RFPL1: variants seen among roughly 807,000 people sequenced by gnomAD.
The protein encoded by RFPL1 is ret finger protein like 1, also known as ret finger protein-like 1.
RFPL1 carries 6 observed loss-of-function variants against 9.6 expected under a neutral mutation model. That is an observed-to-expected ratio of 0.62 (90% confidence interval 0.34 to 1.23). The LOEUF is 1.23. Among genes scored for constraint, RFPL1 ranks in the 50% most tolerant of loss-of-function variants. RFPL1 has a pLI of 0.03. For missense variants in RFPL1, 352 were observed against 398.4 expected (o/e 0.88, Z 0.99); for synonymous variants, 145 against 149.4 (o/e 0.97, Z 0.22).
At chr22:29,439,315 C>G (rs926897900) in intron 1 of RFPL1, 151 bp downstream of exon 1, 1 of 1,164,634 alleles carries the variant, frequency 8.6e-7, no homozygotes, top group African/African-American at 1.5e-5. Flanking sequence ...GCCCTGACAA[C>G]ATACAGAATC....
the RFPL1 span, among the ~76,000 whole-genome samples, chr22:29,417,481 C>T: frequency 6.7e-6 from 1 of 149,358 alleles, no homozygotes; most frequent in Non-Finnish European, 1.5e-5. Context: ...ATGGGAGCTG[C>T]TCCACCTCAG....
chr22:29,426,617 T>C, the RFPL1 span, among the ~76,000 whole-genome samples: 3 of 152,002 alleles, frequency 2.0e-5, no homozygotes, highest in African/African-American at 2.4e-5. Flanking sequence ...CTGGGCATGA[T>C]GGGTGCCTGT....
At chr22:29,390,887 C>T in the RFPL1 span, among the ~76,000 whole-genome samples, 1 of 151,624 alleles carries the variant, frequency 6.6e-6, no homozygotes, top group Non-Finnish European at 1.5e-5. Flanking sequence ...TGTGAGCCAC[C>T]GTGCCCGGCC....
chr22:29,410,585 AT>A, the RFPL1 span, among the ~76,000 whole-genome samples: 10 of 133,666 alleles, frequency 7.5e-5, no homozygotes, highest in African/African-American at 1.1e-4. Context: ...AGATATATCT[AT>A]CTATATATAG....
the RFPL1 span, among the ~76,000 whole-genome samples, chr22:29,403,659 G>T: frequency 2.0e-5 from 3 of 152,314 alleles, no homozygotes; most frequent in Non-Finnish European, 4.4e-5. Context: ...AAATAGAGAA[G>T]TCACAGAAAA....
At chr22:29,410,613 C>CTATCTATATATAGATATATA in the RFPL1 span, among the ~76,000 whole-genome samples, 2 of 127,082 alleles carry the variant, frequency 1.6e-5, no homozygotes, top group African/African-American at 6.1e-5. Context: ...ATAGATATAT[C>CTATCTATATATAGATATATA]TATCTATATA....
At chr22:29,426,808 C>T in the RFPL1 span, among the ~76,000 whole-genome samples, 1 of 152,032 alleles carries the variant, frequency 6.6e-6, no homozygotes, top group Non-Finnish European at 1.5e-5. Flanking sequence ...CCTCCTGTTT[C>T]CTTATTTTTG....
chr22:29,425,076 C>T, the RFPL1 span, among the ~76,000 whole-genome samples: 5 of 151,408 alleles, frequency 3.3e-5, no homozygotes, highest in East Asian at 7.8e-4. Context: ...TGGTGGCAGG[C>T]GCCTGTAGTC....
At chr22:29,416,977 C>T in the RFPL1 span, among the ~76,000 whole-genome samples, 1 of 152,190 alleles carries the variant, frequency 6.6e-6, no homozygotes, top group African/African-American at 2.4e-5. Context: ...TCTCTGGAAT[C>T]ATCATATCCC....
chr22:29,424,169 T>G, the RFPL1 span, among the ~76,000 whole-genome samples: 1 of 151,654 alleles, frequency 6.6e-6, no homozygotes, highest in African/African-American at 2.4e-5. Context: ...GACAGAATCC[T>G]GCTTTGTCTC....
intron 1 of RFPL1, 171 bp from the exon 2 acceptor site, chr22:29,441,371 C>T: frequency 1.4e-6 from 1 of 711,962 alleles, no homozygotes; most frequent in East Asian, 2.7e-5. Context: ...CAAAGCATAC[C>T]TATGAGAATT....
chr22:29,423,293 G>A, the RFPL1 span: 1 of 798,112 alleles, frequency 1.3e-6, no homozygotes, highest in East Asian at 2.4e-5. Context: ...TGTGGTACAG[G>A]AAAACAGCTG....
At chr22:29,439,425 A>C (rs1569183936) in intron 1 of RFPL1, 3 of 528,884 alleles carry the variant, frequency 5.7e-6, no homozygotes, top group Non-Finnish European at 1.0e-5. Flanking sequence ...CGAGGTCAGG[A>C]GATCGGGACC....
the RFPL1 span, among the ~76,000 whole-genome samples, chr22:29,425,989 G>T: frequency 6.6e-6 from 1 of 152,078 alleles, no homozygotes; most frequent in Non-Finnish European, 1.5e-5. Flanking sequence ...TGGACTAATA[G>T]ATAGGATATC....
chr22:29,406,039 G>A, the RFPL1 span, among the ~76,000 whole-genome samples: 3 of 134,886 alleles, frequency 2.2e-5, no homozygotes, highest in Admixed American at 8.3e-5. Context: ...AACCCGGGAA[G>A]CAGAGCTTGC....
chr22:29,417,938 GTTTT>G, the RFPL1 span, among the ~76,000 whole-genome samples: 4 of 129,374 alleles, frequency 3.1e-5, no homozygotes, highest in Admixed American at 1.6e-4. Context: ...ACCTTGAATG[GTTTT>G]TTTTTTTTTT....
the RFPL1 span, among the ~76,000 whole-genome samples, chr22:29,410,587 CTATA>C: frequency 2.7e-4 from 21 of 78,750 alleles, no homozygotes; most frequent in African/African-American, 3.9e-4. Context: ...ATATATCTAT[CTATA>C]TATAGATATA....
At chr22:29,425,186 G>A in the RFPL1 span, among the ~76,000 whole-genome samples, 12 of 146,708 alleles carry the variant, frequency 8.2e-5, no homozygotes, top group South Asian at 1.5e-3. Flanking sequence ...CCTGGGCGAC[G>A]GAGCGAGACT....
chr22:29,412,103 C>G, the RFPL1 span, among the ~76,000 whole-genome samples: 58 of 152,198 alleles, frequency 3.8e-4, no homozygotes, highest in Middle Eastern at 6.8e-3. Context: ...GCAATGACAC[C>G]AGCAGAAATT....
Sources: gnomAD v4.1 joint callset for allele counts (sites outside exome capture counted in the v4.1 genomes callset) on GRCh38, gnomAD v4.1.1 for gene constraint, MANE v1.5 for transcripts, NCBI Gene and HGNC (gene_info 2026-07-23, HGNC 2026-07-21) for gene names.